ANKRD6: variants seen among roughly 807,000 people sequenced by gnomAD.
The protein encoded by ANKRD6 is ankyrin repeat domain 6.
Under a neutral mutation model 82.3 loss-of-function variants are expected in ANKRD6, and 56 were observed. The ratio of observed to expected loss-of-function variants is 0.68; its 90% CI spans 0.55 to 0.85. The LOEUF is 0.85. Ranked by LOEUF, ANKRD6 falls within the 40% of genes least tolerant of loss-of-function variation. The pLI, the probability that ANKRD6 is intolerant of heterozygous loss-of-function variation, is 0.00. For missense variants in ANKRD6, 852 were observed against 907.6 expected (o/e 0.94, Z 0.79); for synonymous variants, 347 against 352.1 (o/e 0.99, Z 0.16).
intron 1 of ANKRD6, among the ~76,000 whole-genome samples, chr6:89,539,768 A>T (rs1471049868): frequency 6.9e-6 from 1 of 144,388 alleles, no homozygotes. Context: ...CCCATTAGCC[A>T]TCCTCACCTC....
intron 15 of ANKRD6, 109 bp downstream of exon 15, chr6:89,629,347 G>C (rs1445618454): frequency 1.3e-6 from 2 of 1,491,896 alleles, no homozygotes; most frequent in Admixed American, 3.8e-5. Context: ...GGAAACACTG[G>C]ATGGTAAAGT....
At chr6:89,501,318 A>T (rs529197552) in intron 1 of ANKRD6, among the ~76,000 whole-genome samples, 1 of 152,220 alleles carries the variant, frequency 6.6e-6, no homozygotes, top group Admixed American at 6.5e-5. Flanking sequence ...TTCAGCAAAA[A>T]GTCTTCTGTG....
Position 89,633,209 on chromosome 6 carries a change from A to G in ANKRD6, c.*2205A>G, listed in dbSNP as rs1315451725. 6.6e-6 allele frequency: 1 copy of G among 152,216 alleles called. No homozygotes were observed. The highest frequency in any genetic ancestry group is 1.5e-5 in the Non-Finnish European group (1 of 68,036). The allele number at this position is 152,216 out of a possible 1,614,324, so 9.4% of individuals were successfully genotyped here. A position where few individuals can be genotyped will look rare whatever the true frequency, so the allele number is the denominator to read the frequency against. On this transcript the variant is annotated 3_prime_UTR_variant, in exon 16 of 16. Transcript: ENST00000339746. The stretch of plus-strand genomic sequence containing the variant: ...GTCTCTTGGAGGTCTGTCGTAGAAG[A>G]AGAAACAAATAGAGGTGATGAAGAC...
At chr6:89,474,470 T>A (rs768058053) in intron 1 of ANKRD6, among the ~76,000 whole-genome samples, 2 of 152,136 alleles carry the variant, frequency 1.3e-5, no homozygotes, top group Non-Finnish European at 2.9e-5. Flanking sequence ...CAGGCTGGAG[T>A]GCAGTGGCGG....
At chr6:89,600,701 A>G (rs1796937844) in intron 3 of ANKRD6, among the ~76,000 whole-genome samples, 1 of 152,120 alleles carries the variant, frequency 6.6e-6, no homozygotes, top group Non-Finnish European at 1.5e-5. Context: ...ATTCTGATAG[A>G]GAAATGGGAA....
At chr6:89,547,002 T>G (rs1785175153) in intron 1 of ANKRD6, among the ~76,000 whole-genome samples, 1 of 151,408 alleles carries the variant, frequency 6.6e-6, no homozygotes, top group Non-Finnish European at 1.5e-5. Context: ...CACTCTGTTG[T>G]CCAGGCTGGA....
intron 1 of ANKRD6, among the ~76,000 whole-genome samples, chr6:89,546,959 A>AT (rs1376809440): frequency 1.3e-5 from 2 of 151,632 alleles, no homozygotes; most frequent in Non-Finnish European, 2.9e-5. Flanking sequence ...AAGAAACCTC[A>AT]TTTTTTATTT....
intron 1 of ANKRD6, among the ~76,000 whole-genome samples, chr6:89,553,991 C>A (rs1421962410): frequency 6.6e-6 from 1 of 152,140 alleles, no homozygotes; most frequent in Non-Finnish European, 1.5e-5. Flanking sequence ...TATTGGAGCT[C>A]TGGTTCTTGG....
intron 13 of ANKRD6, 34 bp downstream of exon 13, chr6:89,624,725 G>A: frequency 6.3e-7 from 1 of 1,590,478 alleles, no homozygotes; most frequent in Non-Finnish European, 8.6e-7. Context: ...TAATTGCAAG[G>A]TGTTCTGGCA....
chr6:89,553,214 A>T (rs773005342), intron 1 of ANKRD6, among the ~76,000 whole-genome samples: 1 of 152,216 alleles, frequency 6.6e-6, no homozygotes, highest in African/African-American at 2.4e-5. Flanking sequence ...ATTGAATAAA[A>T]TGGGACTCCT....
In ANKRD6 at chr6:89,629,382, AT is replaced by A. The variant is rs1398697277; in HGVS notation, c.1612+148del. On this transcript the variant is annotated intron_variant, in intron 15 of 15. Transcript: ENST00000339746. ...TGCACTCTGTAGGGGCAAGGACTGT[AT>A]TTTGCTCGTAACCATATACTCAGTT... The A allele has an allele frequency of 4.2e-6, 5 of 1,195,024 alleles. No individual in the cohort carries two copies. The East Asian group carries it at 1.0e-4, about 25-fold the overall frequency. 74.0% of individuals were successfully genotyped at this position (1,195,024 alleles called of 1,614,324 possible).
rs1798515499 is a variant in ANKRD6 at position 89,606,040 on chromosome 6, C to T, written c.352C>T (p.His118Tyr). Reference sequence around the variant, plus strand: ...TACAGCCTTGCATGAAGCATCCTGGCATGGTTTCAGCCAGTCAGCCAAGCT... The same window carrying T: ...TACAGCCTTGCATGAAGCATCCTGGTATGGTTTCAGCCAGTCAGCCAAGCT... ...GNTALHEASWHGFSQSAKLLI... is the reference protein window; with the variant it reads ...GNTALHEASWYGFSQSAKLLI... The change falls in exon 5 of 16, where the codon CAT becomes TAT. Residue 118 changes from histidine to tyrosine, a missense_variant. Transcript: ENST00000339746. 6.3e-7 allele frequency: 1 copy of T among 1,597,230 alleles called. No homozygotes were observed. Among genetic ancestry groups the T allele is most frequent in the Non-Finnish European group, 8.5e-7 (1 of 1,171,454 alleles).
At chr6:89,477,179 C>T (rs1776147756) in intron 1 of ANKRD6, among the ~76,000 whole-genome samples, 5 of 152,052 alleles carry the variant, frequency 3.3e-5, no homozygotes, top group East Asian at 1.9e-4. Context: ...CTCCTGACCT[C>T]GTGATCCACC....
At chr6:89,598,111 T>C (rs1796296972) in intron 3 of ANKRD6, 16 of 985,402 alleles carry the variant, frequency 1.6e-5, no homozygotes, top group Non-Finnish European at 1.9e-5. Context: ...CTTTATGGCA[T>C]GGTAAGAACT....
At chr6:89,513,367 C>G (rs1023843286) in intron 1 of ANKRD6, among the ~76,000 whole-genome samples, 1 of 152,208 alleles carries the variant, frequency 6.6e-6, no homozygotes, top group Non-Finnish European at 1.5e-5. Flanking sequence ...AGTATCCCCC[C>G]TCCCAATCCT....
chr6:89,624,018 C>T lies in ANKRD6; in HGVS notation c.1179C>T (p.Leu393=), dbSNP rs751629724. The change falls in exon 12 of 16, where the codon CTC becomes CTT. Residue 393 remains leucine, a synonymous_variant. Coordinates refer to ENST00000339746, the MANE Select transcript of ANKRD6 (RefSeq NM_001242809.2). ...PPPHEFRAYQ[L]YTLYRGKDGK... ...CCCATGAGTTCAGGGCGTATCAGCT[C>T]TACACATTGTACCGGGGCAAGGATG... 1.2e-6 allele frequency: 2 copies of T among 1,612,036 alleles called. No individual in the cohort carries two copies. Among genetic ancestry groups the T allele is most frequent in the Non-Finnish European group, 1.7e-6 (2 of 1,178,830 alleles).
At chr6:89,508,006 C>T (rs1780079376) in intron 1 of ANKRD6, among the ~76,000 whole-genome samples, 1 of 152,144 alleles carries the variant, frequency 6.6e-6, no homozygotes, top group South Asian at 2.1e-4. Flanking sequence ...GCAAAGCTGA[C>T]TTTTACAGTG....
chr6:89,617,860 A>T, intron 8 of ANKRD6, 94 bp from the exon 9 acceptor site: 1 of 1,211,056 alleles, frequency 8.3e-7, no homozygotes, highest in East Asian at 2.3e-5. Flanking sequence ...CTGGGTGTGG[A>T]ACTGCCTGCT....
At chr6:89,555,493 A>G (rs1786466344) in intron 1 of ANKRD6, among the ~76,000 whole-genome samples, 1 of 152,126 alleles carries the variant, frequency 6.6e-6, no homozygotes, top group Non-Finnish European at 1.5e-5. Flanking sequence ...TCAGTAGCAG[A>G]CCTGGGATTT....
Sources: allele counts gnomAD v4.1 joint callset (sites outside exome capture counted in the v4.1 genomes callset), GRCh38; gene constraint gnomAD v4.1.1; transcripts MANE v1.5; gene names NCBI Gene and HGNC (gene_info 2026-07-23, HGNC 2026-07-21).